SETBP1: variants seen among roughly 807,000 people sequenced by gnomAD.
SETBP1 encodes SET binding protein 1.
Under a neutral mutation model 101.0 loss-of-function variants are expected in SETBP1, and 9 were observed. The observed-to-expected ratio is 0.09, with a 90% CI of 0.05 to 0.16. The LOEUF is 0.16. Ranked by LOEUF, SETBP1 falls within the 10% of genes least tolerant of loss-of-function variation. The pLI is 1.00. For missense variants in SETBP1, 1,858 were observed against 2,033.8 expected, an observed-to-expected ratio of 0.91 and a Z score of 1.66; for synonymous variants, 818 against 788.5, an observed-to-expected ratio of 1.04 and a Z score of -0.63.
chr18:44,719,134 C>G (rs2144322551), intron 2 of SETBP1, among the ~76,000 whole-genome samples: 1 of 152,084 alleles, frequency 6.6e-6, no homozygotes, highest in African/African-American at 2.4e-5. Context: ...TGACAAGAAA[C>G]CTGAAAAATC....
rs191759841 is a variant in SETBP1 at position 45,057,422 on chromosome 18, T to C, written c.4172-5657T>C. ...TTTACATTAGAGAACATGAGACAAC[T>C]GAATGCCATTGAGCTTGTATTTGCT... On this transcript the variant is annotated intron_variant, in intron 5 of 5. Coordinates refer to ENST00000649279, the MANE Select transcript of SETBP1 (RefSeq NM_015559.3). Among the ~76,000 whole-genome samples, 917 of 152,216 alleles carry C rather than the reference T, an allele frequency of 6.0e-3. 10 individuals are homozygous for C. Among genetic ancestry groups the C allele is most frequent in the African/African-American group, 0.02 (843 of 41,524 alleles).
At chr18:45,023,881 T>A (rs2073116639) in intron 4 of SETBP1, among the ~76,000 whole-genome samples, 1 of 152,188 alleles carries the variant, frequency 6.6e-6, no homozygotes, top group African/African-American at 2.4e-5. Flanking sequence ...GTTACACTTT[T>A]AAAAAATAAG....
chr18:44,894,318 T>A (rs1182007909), intron 3 of SETBP1, among the ~76,000 whole-genome samples: 1 of 152,156 alleles, frequency 6.6e-6, no homozygotes, highest in African/African-American at 2.4e-5. Context: ...AAATTTGTTT[T>A]ATATGCTCCT....
intron 2 of SETBP1, among the ~76,000 whole-genome samples, chr18:44,801,127 G>T (rs1482093110): frequency 6.6e-6 from 1 of 152,150 alleles, no homozygotes; most frequent in Non-Finnish European, 1.5e-5. Context: ...ACCGGGGCCT[G>T]TCGTGGGGTA....
At chr18:45,042,084 G>A (rs894669351) in intron 5 of SETBP1, among the ~76,000 whole-genome samples, 3 of 151,068 alleles carry the variant, frequency 2.0e-5, no homozygotes, top group African/African-American at 7.3e-5. Context: ...GTAGCTGTAT[G>A]CTTTTACAGC....
At chr18:44,746,477 T>A (rs2070249995) in intron 2 of SETBP1, among the ~76,000 whole-genome samples, 1 of 152,182 alleles carries the variant, frequency 6.6e-6, no homozygotes, top group Admixed American at 6.5e-5. Context: ...ACATATTTTT[T>A]AAGGGGGAGG....
intron 2 of SETBP1, among the ~76,000 whole-genome samples, chr18:44,806,240 T>A (rs1020584385): frequency 6.6e-6 from 1 of 152,174 alleles, no homozygotes; most frequent in Non-Finnish European, 1.5e-5. Flanking sequence ...AAATCTGTTT[T>A]CCCTTATGGA....
chr18:44,772,248 G>A (rs1458667767), intron 2 of SETBP1, among the ~76,000 whole-genome samples: 1 of 152,110 alleles, frequency 6.6e-6, no homozygotes, highest in Non-Finnish European at 1.5e-5. Flanking sequence ...AAGGGTCATC[G>A]TGTGACTGTA....
At chr18:44,959,682 C>A (rs1368024939) in intron 4 of SETBP1, among the ~76,000 whole-genome samples, 2 of 151,958 alleles carry the variant, frequency 1.3e-5, no homozygotes, top group African/African-American at 4.8e-5. Context: ...GACTTGTGAG[C>A]CACTGCTGTG....
chr18:44,701,749 C>A lies in SETBP1; in HGVS notation c.403C>A (p.Gln135Lys). 6.2e-7 allele frequency: 1 copy of A among 1,614,112 alleles called. No individual in the cohort carries two copies. Among genetic ancestry groups the A allele is most frequent in the Non-Finnish European group, 8.5e-7 (1 of 1,180,026 alleles). Reference sequence around the variant, plus strand: ...ACCTGAGATCAAGATCACCATCAAGCAGTCTGGGGACCAGAAGGTGTCCCG... The same window carrying A: ...ACCTGAGATCAAGATCACCATCAAGAAGTCTGGGGACCAGAAGGTGTCCCG... Reference protein sequence around the residue: ...CPPEIKITIKQSGDQKVSRAG... With the variant: ...CPPEIKITIKKSGDQKVSRAG... Residue 135 changes from glutamine to lysine, a missense_variant, in exon 2 of 6, where the codon CAG becomes AAG. Physicochemically the swap from Gln to Lys is moderately conservative, Grantham distance 53 (BLOSUM62 1). This residue lies in a region of SETBP1 where 581 missense variants were observed against 535.1 expected (regional missense o/e 1.09). Transcript: ENST00000649279.
At chr18:44,993,005 A>G (rs2072412003) in intron 4 of SETBP1, among the ~76,000 whole-genome samples, 2 of 152,120 alleles carry the variant, frequency 1.3e-5, no homozygotes, top group African/African-American at 4.8e-5. Context: ...ATCTAACATT[A>G]GAAAATAGAT....
intron 3 of SETBP1, among the ~76,000 whole-genome samples, chr18:44,875,948 G>C (rs2069393253): frequency 6.6e-6 from 1 of 152,190 alleles, no homozygotes; most frequent in Non-Finnish European, 1.5e-5. Context: ...GTGACCACTG[G>C]TAAGTTCAGG....
At chr18:44,862,844 G>T (rs183536354) in intron 2 of SETBP1, among the ~76,000 whole-genome samples, 1 of 152,162 alleles carries the variant, frequency 6.6e-6, no homozygotes, top group African/African-American at 2.4e-5. Flanking sequence ...GGGTGAGAGG[G>T]ATGCTTTAGG....
intron 5 of SETBP1, among the ~76,000 whole-genome samples, chr18:45,044,909 C>T (rs1202844571): frequency 6.6e-6 from 1 of 152,158 alleles, no homozygotes; most frequent in African/African-American, 2.4e-5. Flanking sequence ...GCAATAAAAT[C>T]ATAACCTCGT....
intron 3 of SETBP1, among the ~76,000 whole-genome samples, chr18:44,885,485 C>G (rs1022784447): frequency 6.6e-6 from 1 of 151,966 alleles, no homozygotes; most frequent in South Asian, 2.1e-4. Flanking sequence ...CACACTGTAC[C>G]GCAATCACTA....
chr18:44,965,495 C>A (rs1334313923), intron 4 of SETBP1, among the ~76,000 whole-genome samples: 1 of 152,122 alleles, frequency 6.6e-6, no homozygotes, highest in Non-Finnish European at 1.5e-5. Context: ...AAGATAAAAT[C>A]ATAAAGCCAA....
chr18:44,937,765 G>A (rs1361641747), intron 3 of SETBP1, among the ~76,000 whole-genome samples: 1 of 152,120 alleles, frequency 6.6e-6, no homozygotes, highest in Non-Finnish European at 1.5e-5. Context: ...ATCAATCTGC[G>A]TTTCGGCAGA....
intron 2 of SETBP1, among the ~76,000 whole-genome samples, chr18:44,858,352 G>C (rs2073016186): frequency 6.6e-6 from 1 of 152,200 alleles, no homozygotes; most frequent in Non-Finnish European, 1.5e-5. Context: ...TGCAAGAGCA[G>C]GGCCATCTGT....
intron 4 of SETBP1, among the ~76,000 whole-genome samples, chr18:44,981,290 C>T (rs544178247): frequency 6.6e-6 from 1 of 152,280 alleles, no homozygotes; most frequent in East Asian, 1.9e-4. Context: ...TCTGTCTCTC[C>T]TTGGATCCCT....
Sources: gnomAD v4.1 joint callset for allele counts (sites outside exome capture counted in the v4.1 genomes callset) on GRCh38, gnomAD v4.1.1 for gene constraint, gnomAD v4.1.1 regional missense constraint, MANE v1.5 for transcripts, NCBI Gene and HGNC (gene_info 2026-07-23, HGNC 2026-07-21) for gene names.